Variants in PRPF6 observed in about 807,000 individuals in gnomAD.
PRPF6 encodes pre-mRNA processing factor 6, also known as pre-mRNA-processing factor 6.
PRPF6 carries 42 observed loss-of-function variants against 118.3 expected under a neutral mutation model. That is an observed-to-expected ratio of 0.35 (90% CI 0.28 to 0.46). PRPF6 has a LOEUF of 0.46. Among genes scored for constraint, PRPF6 ranks in the 20% least tolerant of loss-of-function variants. The pLI, the probability that PRPF6 is intolerant of heterozygous loss-of-function variation, is 1.00. For missense variants in PRPF6, 662 were observed against 1,255.7 expected, an observed-to-expected ratio of 0.53 and a Z score of 7.15; for synonymous variants, 481 against 485.1, an observed-to-expected ratio of 0.99 and a Z score of 0.11.
intron 9 of PRPF6, among the ~76,000 whole-genome samples, chr20:64,009,941 C>T (rs1403075393): frequency 6.6e-6 from 1 of 152,160 alleles, no homozygotes; most frequent in African/African-American, 2.4e-5. Flanking sequence ...TTCCCGTGGT[C>T]ACTGGTTTCC....
intron 6 of PRPF6, among the ~76,000 whole-genome samples, chr20:63,996,359 A>G (rs1184176688): frequency 6.6e-6 from 1 of 151,890 alleles, no homozygotes; most frequent in Admixed American, 6.6e-5. Flanking sequence ...AAAAACAAAA[A>G]CAAAAAGTGG....
rs1481060799 is a variant in PRPF6 at position 64,028,660 on chromosome 20, C to G, written c.2431+91C>G. 4.3e-6 allele frequency: 6 copies of G among 1,401,268 alleles called. No homozygotes were observed. The highest frequency in any genetic ancestry group is 5.9e-6 in the Non-Finnish European group (6 of 1,012,808). 86.8% of individuals were successfully genotyped at this position (1,401,268 alleles called of 1,614,324 possible). ...GGTAAGGGGGTGCTTCCTGGCTTCCCAGACTCCGCAGGGCTGGCACTTCCT... is the reference window on the plus strand; with the variant it reads ...GGTAAGGGGGTGCTTCCTGGCTTCCGAGACTCCGCAGGGCTGGCACTTCCT... On this transcript the variant is annotated intron_variant, in intron 18 of 20. Coordinates refer to ENST00000266079, the MANE Select transcript of PRPF6 (RefSeq NM_012469.4). This position sits in a 1 kb window ranked among gnomAD's most constrained non-coding sequence, Gnocchi z 6.5.
At chr20:64,013,084 T>C (rs816914) in intron 11 of PRPF6, among the ~76,000 whole-genome samples, 37,759 of 151,270 alleles carry the variant, frequency 0.25, 5,801 homozygotes, top group African/African-American at 0.43. Flanking sequence ...CCTACGTCAG[T>C]CACCTGAGTA....
intron 14 of PRPF6, 25 bp downstream of exon 14, chr20:64,024,718 G>A: frequency 1.2e-6 from 2 of 1,608,490 alleles, no homozygotes; most frequent in Non-Finnish European, 1.7e-6. Context: ...CCTGTGTGGT[G>A]AGGGGCCTGT....
At chr20:63,989,055 A>G (rs369862071) in intron 3 of PRPF6, among the ~76,000 whole-genome samples, 18 of 152,240 alleles carry the variant, frequency 1.2e-4, no homozygotes, top group African/African-American at 4.3e-4. Flanking sequence ...ACATAGACCA[A>G]TGGAACAGAA....
intron 3 of PRPF6, among the ~76,000 whole-genome samples, chr20:63,992,818 C>G (rs2059124435): frequency 2.6e-5 from 4 of 152,040 alleles, no homozygotes; most frequent in Admixed American, 2.6e-4. Flanking sequence ...ACTGCACCCT[C>G]TGCCTCCTGG....
intron 9 of PRPF6, among the ~76,000 whole-genome samples, chr20:64,006,100 G>T (rs952097069): frequency 7.9e-5 from 12 of 152,088 alleles, no homozygotes; most frequent in Admixed American, 1.3e-4. Flanking sequence ...GGTGGCTGTA[G>T]TTCCCATTAA....
Position 64,027,174 on chromosome 20 carries a change from C to T in PRPF6, c.2205+16C>T, listed in dbSNP as rs775118748. Reference sequence around the variant, plus strand: ...TAACCAGGGGGTACGTCTCTGCCTGCACCCTGGGGCTGCAGCTGACCCGGC... The same window carrying T: ...TAACCAGGGGGTACGTCTCTGCCTGTACCCTGGGGCTGCAGCTGACCCGGC... On this transcript the variant is annotated intron_variant, in intron 16 of 20. Coordinates refer to ENST00000266079, the MANE Select transcript of PRPF6 (RefSeq NM_012469.4). The surrounding 1 kb of genome is among the most constrained non-coding windows in gnomAD (Gnocchi z 6.5). The T allele has an allele frequency of 6.2e-7, 1 of 1,612,402 alleles. No individual in the cohort carries two copies.
intron 9 of PRPF6, among the ~76,000 whole-genome samples, chr20:64,003,659 G>A (rs1481283965): frequency 2.0e-5 from 3 of 152,082 alleles, no homozygotes; most frequent in South Asian, 4.2e-4. Context: ...GCAGTGGCAC[G>A]ACCTCGGCTC....
intron 11 of PRPF6, among the ~76,000 whole-genome samples, chr20:64,014,859 G>C (rs545769292): frequency 3.1e-4 from 47 of 152,106 alleles, no homozygotes; most frequent in Non-Finnish European, 5.6e-4. Flanking sequence ...AAAACAGACT[G>C]GTGGTTTGAG....
In PRPF6 at chr20:64,033,062, GTCC is replaced by G. The variant is rs1349643763; in HGVS notation, c.*74_*76del. The G allele has an allele frequency of 3.8e-6, 6 of 1,597,534 alleles. No homozygotes were observed. The highest frequency in any genetic ancestry group is 5.1e-6 in the Non-Finnish European group (6 of 1,169,722). ...CGCATGTGGAAGGGCTCTGAGCTGT[GTCC>G]TCCTTCATTAAAAGTTTTTATGTCT... On this transcript the variant is annotated 3_prime_UTR_variant, in exon 21 of 21. Transcript: ENST00000266079.
rs1484924158 is a variant in PRPF6, at chr20:64,011,807, GCTT to G, written c.1524+308_1524+310del. ...CGAGAGGAGGACAGGAAGTCTCATG[GCTT>G]CTTTCTTTGCTAGTAGAAATGATAC... On this transcript the variant is annotated intron_variant, in intron 11 of 20. Coordinates refer to ENST00000266079, the MANE Select transcript of PRPF6 (RefSeq NM_012469.4). This position sits in a 1 kb window ranked among gnomAD's most constrained non-coding sequence, Gnocchi z 6.7. 8.3e-6 allele frequency among the ~76,000 whole-genome samples: 1 copy of G among 121,066 alleles called. No individual in the cohort carries two copies. The highest frequency in any genetic ancestry group is 1.8e-5 in the Non-Finnish European group (1 of 56,074). The allele number at this position is 121,066 out of a possible 152,430, so 79.4% of individuals were successfully genotyped here.
At chr20:64,004,232 G>C (rs2059180233) in intron 9 of PRPF6, among the ~76,000 whole-genome samples, 1 of 152,196 alleles carries the variant, frequency 6.6e-6, no homozygotes, top group South Asian at 2.1e-4. Context: ...TTCCACGGCT[G>C]TTCTCTCAGG....
Position 63,981,149 on chromosome 20 carries a change from A to T in PRPF6, c.-97A>T. ...GACGCGACGACGGCGACACTTTGCT[A>T]CGGAGTGCATCGGACGTCGAAGCCT... On this transcript the variant is annotated 5_prime_UTR_variant, in exon 1 of 21. Coordinates refer to ENST00000266079, the MANE Select transcript of PRPF6 (RefSeq NM_012469.4). 1 of 1,310,834 alleles carries T rather than the reference A, an allele frequency of 7.6e-7. No individual in the cohort carries two copies. The highest frequency in any genetic ancestry group is 1.1e-6 in the Non-Finnish European group (1 of 928,676). 81.2% of individuals were successfully genotyped at this position (1,310,834 alleles called of 1,614,324 possible).
intron 9 of PRPF6, among the ~76,000 whole-genome samples, chr20:64,002,633 G>T (rs919745328): frequency 1.3e-5 from 2 of 149,184 alleles, no homozygotes; most frequent in African/African-American, 2.5e-5. Flanking sequence ...CCTGTGCCTG[G>T]CCTTTTCTTT....
chr20:64,008,417 G>C (rs1297828395), intron 9 of PRPF6, among the ~76,000 whole-genome samples: 1 of 151,800 alleles, frequency 6.6e-6, no homozygotes, highest in African/African-American at 2.4e-5. Context: ...AGTAAGCTTT[G>C]TGTTTTTTTT....
chr20:64,004,058 A>G (rs1406776618), intron 9 of PRPF6, among the ~76,000 whole-genome samples: 2 of 152,222 alleles, frequency 1.3e-5, no homozygotes, highest in African/African-American at 4.8e-5. Flanking sequence ...GAAAAGCTCT[A>G]TTGAATTCTT....
intron 5 of PRPF6, 52 bp from the exon 6 acceptor site, chr20:63,995,275 C>T: frequency 6.3e-7 from 1 of 1,579,068 alleles, no homozygotes; most frequent in South Asian, 1.1e-5. Flanking sequence ...ATTTCTTGGG[C>T]ATGCAGTGCA....
In PRPF6 at chr20:64,029,590, G is replaced by T; in HGVS notation, c.2546+99G>T. On this transcript the variant is annotated intron_variant, in intron 19 of 20. Coordinates refer to ENST00000266079, the MANE Select transcript of PRPF6 (RefSeq NM_012469.4). The surrounding 1 kb of genome is among the most constrained non-coding windows in gnomAD (Gnocchi z 4.8). ...TTCCTGGTCATTGTAAAGATGCCCG[G>T]CAGCAGGGTGGGCTTCCCCGATCCT... The T allele has an allele frequency of 9.2e-7, 1 of 1,089,430 alleles. No individual in the cohort carries two copies. The highest frequency in any genetic ancestry group is 1.3e-5 in the South Asian group (1 of 77,780). 67.5% of individuals were successfully genotyped at this position (1,089,430 alleles called of 1,614,324 possible). A position where few individuals can be genotyped will look rare whatever the true frequency, so the allele number is the denominator to read the frequency against.
Sources: allele counts gnomAD v4.1 joint callset (sites outside exome capture counted in the v4.1 genomes callset), GRCh38; gene constraint gnomAD v4.1.1; non-coding constraint Gnocchi (gnomAD v3.1); transcripts MANE v1.5; gene names NCBI Gene and HGNC (gene_info 2026-07-23, HGNC 2026-07-21).